ZSWIM5: variants seen among roughly 807,000 people sequenced by gnomAD.
The protein encoded by ZSWIM5 is zinc finger SWIM domain-containing protein 5.
ZSWIM5 carries 55 observed loss-of-function variants against 119.6 expected under a neutral mutation model. The ratio of observed to expected loss-of-function variants is 0.46; its 90% CI spans 0.37 to 0.58. The LOEUF (loss-of-function observed/expected upper bound fraction) is 0.58, where lower values mean the gene tolerates loss of function less well. Among genes scored for constraint, ZSWIM5 ranks in the 20% least tolerant of loss-of-function variants. ZSWIM5 has a pLI of 0.00. For missense variants in ZSWIM5, 1,193 were observed against 1,512.8 expected, an observed-to-expected ratio of 0.79 and a Z score of 3.51; for synonymous variants, 537 against 606.9, an observed-to-expected ratio of 0.88 and a Z score of 1.69.
intron 1 of ZSWIM5, among the ~76,000 whole-genome samples, chr1:45,153,711 T>C (rs1645811348): frequency 1.3e-5 from 2 of 152,042 alleles, no homozygotes; most frequent in Admixed American, 1.3e-4. Flanking sequence ...GGTAGATAAC[T>C]TCTATTCAAA....
chr1:45,148,075 C>A (rs994872201), intron 1 of ZSWIM5, among the ~76,000 whole-genome samples: 1 of 152,116 alleles, frequency 6.6e-6, no homozygotes, highest in South Asian at 2.1e-4. Flanking sequence ...AAATCAAAAT[C>A]ATTCATTACA....
At chr1:45,053,226 C>T (rs1645100520) in intron 4 of ZSWIM5, among the ~76,000 whole-genome samples, 1 of 151,652 alleles carries the variant, frequency 6.6e-6, no homozygotes, top group Non-Finnish European at 1.5e-5. Flanking sequence ...AAGGGCTTTT[C>T]ATCTATAGTG....
intron 2 of ZSWIM5, among the ~76,000 whole-genome samples, chr1:45,082,021 A>G (rs1019141885): frequency 6.6e-6 from 1 of 152,134 alleles, no homozygotes; most frequent in African/African-American, 2.4e-5. Flanking sequence ...TTGATCTGTG[A>G]CCTTATCCCC....
intron 1 of ZSWIM5, among the ~76,000 whole-genome samples, chr1:45,120,109 C>T (rs1372101711): frequency 1.3e-5 from 2 of 152,120 alleles, no homozygotes; most frequent in African/African-American, 2.4e-5. Context: ...TATGGGAGGC[C>T]GAGGTGGGTG....
intron 1 of ZSWIM5, among the ~76,000 whole-genome samples, chr1:45,137,674 G>A: frequency 6.6e-6 from 1 of 152,154 alleles, no homozygotes; most frequent in Non-Finnish European, 1.5e-5. Context: ...AACATGCCTG[G>A]CATGTTCAAA....
chr1:45,162,516 C>T (rs900175986), intron 1 of ZSWIM5, among the ~76,000 whole-genome samples: 7 of 152,174 alleles, frequency 4.6e-5, no homozygotes, highest in East Asian at 3.9e-4. Context: ...CAAAGCAGGG[C>T]GAGGCATCGC....
rs146674878 is a variant in ZSWIM5 at position 45,070,083 on chromosome 1, T to C, written c.953-9836A>G. 7,226 of 932,516 alleles carry C rather than the reference T, an allele frequency of 7.7e-3. 119 individuals carry two copies. Among genetic ancestry groups the C allele is most frequent in the South Asian group, 0.039 (3,022 of 77,480 alleles). The allele number at this position is 932,516 out of a possible 1,614,324, so 57.8% of individuals were successfully genotyped here. On this transcript the variant is annotated intron_variant, in intron 2 of 13. Transcript: ENST00000359600. ...TCCAATGACTAGAAGAAGAAATCTA[T>C]TGAGTTTTGGGATATTTGGTGCATT...
At chr1:45,037,622 T>C (rs1270980167) in intron 8 of ZSWIM5, among the ~76,000 whole-genome samples, 1 of 152,168 alleles carries the variant, frequency 6.6e-6, no homozygotes, top group African/African-American at 2.4e-5. Flanking sequence ...CAAACTCAGG[T>C]TTCCAAGATG....
chr1:45,043,220 A>C lies in ZSWIM5; in HGVS notation c.1608T>G (p.Leu536=). 6.2e-7 allele frequency: 1 copy of C among 1,613,264 alleles called. No homozygotes were observed. Among genetic ancestry groups the C allele is most frequent in the Non-Finnish European group, 8.5e-7 (1 of 1,179,862 alleles). ...TTCTTAGAGGAGGGCTAGACTTACC[A>C]AGCCACAGTGGCTGGCCTTGGGAAT... The part of the protein sequence containing the change: ...LFNSQGQPLW[L]EHVPTACARV... Residue 536 remains leucine, a splice_region_variant and synonymous_variant, in exon 6 of 14, where the codon CTT becomes CTG. Transcript: ENST00000359600.
intron 11 of ZSWIM5, among the ~76,000 whole-genome samples, chr1:45,021,041 C>CT (rs112071546): frequency 0.069 from 10,108 of 145,518 alleles, 383 homozygotes; most frequent in East Asian, 0.12. Context: ...CCTCAGGATC[C>CT]TTTTTTTTTT....
intron 1 of ZSWIM5, among the ~76,000 whole-genome samples, chr1:45,141,256 G>A (rs1366071608): frequency 6.6e-6 from 1 of 152,136 alleles, no homozygotes; most frequent in East Asian, 1.9e-4. Context: ...TTCTCACTCT[G>A]TCTTTTTCTG....
intron 1 of ZSWIM5, among the ~76,000 whole-genome samples, chr1:45,186,667 A>G (rs1327454829): frequency 6.6e-6 from 1 of 152,056 alleles, no homozygotes; most frequent in East Asian, 1.9e-4. Context: ...GTGCAGTGGC[A>G]TGATCTCGGC....
rs1202032229 is a variant in ZSWIM5, at chr1:45,017,940, G to A, written c.*514C>T. On this transcript the variant is annotated 3_prime_UTR_variant, in exon 14 of 14. Coordinates refer to ENST00000359600, the MANE Select transcript of ZSWIM5 (RefSeq NM_020883.2). The stretch of plus-strand genomic sequence containing the variant: ...CTGCTACCAGCAAACACTCTGCAAG[G>A]GAAACCTGAGAAATGGTTGTGAGTC... 6.1e-6 allele frequency: 1 copy of A among 163,440 alleles called. No individual in the cohort carries two copies. Among genetic ancestry groups the A allele is most frequent in the African/African-American group, 2.4e-5 (1 of 41,502 alleles). 10.1% of individuals were successfully genotyped at this position (163,440 alleles called of 1,614,324 possible). A position where few individuals can be genotyped will look rare whatever the true frequency, so the allele number is the denominator to read the frequency against.
intron 1 of ZSWIM5, among the ~76,000 whole-genome samples, chr1:45,161,597 C>T (rs1645864080): frequency 6.6e-6 from 1 of 152,142 alleles, no homozygotes; most frequent in South Asian, 2.1e-4. Context: ...CCTCCCCCCA[C>T]ATTTTTTTTG....
At chr1:45,050,766 G>A (rs1373962187) in intron 5 of ZSWIM5, among the ~76,000 whole-genome samples, 1 of 152,152 alleles carries the variant, frequency 6.6e-6, no homozygotes, top group Non-Finnish European at 1.5e-5. Flanking sequence ...CTGAAGCCAA[G>A]ATATTTAATA....
intron 1 of ZSWIM5, among the ~76,000 whole-genome samples, chr1:45,178,348 T>C (rs1645993818): frequency 6.6e-6 from 1 of 151,990 alleles, no homozygotes; most frequent in Admixed American, 6.6e-5. Context: ...CGCTTGAACC[T>C]GGGAGGTGGA....
rs781138510 is a variant in ZSWIM5, at chr1:45,206,288, C to A, written c.63G>T (p.Arg21=). The stretch of plus-strand genomic sequence containing the variant: ...CCTGCGGGCTGGGCCACGAACACTG[C>A]CGCTTAGCCGGAGAGACCGGTGACG... ...LSPSPVSPAK[R]QCSWPSPQAH... is the part of the protein sequence containing the mutation. Residue 21 remains arginine (R), a synonymous_variant, in exon 1 of 14, where the codon CGG becomes CGT. Coordinates refer to ENST00000359600, the MANE Select transcript of ZSWIM5 (RefSeq NM_020883.2). 67 of 1,570,934 alleles carry A rather than the reference C, an allele frequency of 4.3e-5. No homozygotes were observed. The highest frequency in any genetic ancestry group is 6.0e-6 in the Non-Finnish European group (7 of 1,159,804).
intron 1 of ZSWIM5, among the ~76,000 whole-genome samples, chr1:45,097,660 T>C (rs76469751): frequency 0.069 from 10,474 of 152,240 alleles, 456 homozygotes; most frequent in Non-Finnish European, 0.1. Flanking sequence ...CTTTAAAAAC[T>C]AGGAAAAATA....
rs1220983702 is a variant in ZSWIM5, at chr1:45,057,226, C to A, written c.1252+1383G>T. On this transcript the variant is annotated intron_variant, in intron 4 of 13. Coordinates refer to ENST00000359600, the MANE Select transcript of ZSWIM5 (RefSeq NM_020883.2). This position sits in a 1 kb window ranked among gnomAD's most constrained non-coding sequence, Gnocchi z 4.7. Reference sequence around the variant, plus strand: ...ACTAATTCAGAAACTCGGGATAGGGCCCAGTGATCTGTTTAAACAAGTACT... The same window carrying A: ...ACTAATTCAGAAACTCGGGATAGGGACCAGTGATCTGTTTAAACAAGTACT... Among the ~76,000 whole-genome samples the A allele has an allele frequency of 6.6e-6, 1 of 152,206 alleles. No individual in the cohort carries two copies. The highest frequency in any genetic ancestry group is 1.5e-5 in the Non-Finnish European group (1 of 68,032).
Sources: allele counts gnomAD v4.1 joint callset (sites outside exome capture counted in the v4.1 genomes callset), GRCh38; gene constraint gnomAD v4.1.1; non-coding constraint Gnocchi (gnomAD v3.1); transcripts MANE v1.5; gene names NCBI Gene and HGNC (gene_info 2026-07-23, HGNC 2026-07-21).